Variants in GRIN2B observed in about 807,000 individuals in gnomAD.
GRIN2B encodes the protein glutamate receptor ionotropic, NMDA 2B.
GRIN2B carries 5 observed loss-of-function variants against 114.5 expected under a neutral mutation model. The ratio of observed to expected loss-of-function variants is 0.04; its 90% CI spans 0.02 to 0.09. The LOEUF (loss-of-function observed/expected upper bound fraction) is 0.09. Among genes scored for constraint, GRIN2B ranks in the 10% least tolerant of loss-of-function variants. The pLI is 1.00. For synonymous variants in GRIN2B, 787 were observed against 745.1 expected, an observed-to-expected ratio of 1.06 and a Z score of -0.92; for missense variants, 1,108 against 1,943.5, an observed-to-expected ratio of 0.57 and a Z score of 8.08.
intron 10 of GRIN2B, among the ~76,000 whole-genome samples, chr12:13,582,858 T>C: frequency 6.6e-6 from 1 of 152,180 alleles, no homozygotes; most frequent in East Asian, 1.9e-4. Context: ...TTTAGTTAAT[T>C]ACCAGTTTTC....
chr12:13,627,606 G>A (rs1459351906), intron 5 of GRIN2B, among the ~76,000 whole-genome samples: 21 of 152,188 alleles, frequency 1.4e-4, no homozygotes, highest in Admixed American at 1.4e-3. Context: ...TTCCAAACAA[G>A]TGTCTCTCCA....
intron 2 of GRIN2B, among the ~76,000 whole-genome samples, chr12:13,950,880 A>G (rs1867467115): frequency 6.6e-6 from 1 of 152,230 alleles, no homozygotes; most frequent in South Asian, 2.1e-4. Flanking sequence ...TCAGAAATAA[A>G]TTCAACATGG....
At chr12:13,840,880 A>G (rs1459650503) in intron 3 of GRIN2B, among the ~76,000 whole-genome samples, 2 of 152,212 alleles carry the variant, frequency 1.3e-5, no homozygotes, top group African/African-American at 4.8e-5. Context: ...TTCTAAAAAT[A>G]TAAGAACTCC....
chr12:13,904,286 G>A (rs1866503626), intron 2 of GRIN2B, among the ~76,000 whole-genome samples: 1 of 150,892 alleles, frequency 6.6e-6, no homozygotes, highest in South Asian at 2.1e-4. Flanking sequence ...TCTGCTAATT[G>A]TAAATTCTAC....
At position 13,865,705 on chromosome 12, in the gene GRIN2B, C is replaced by T. The variant is rs181631170; in HGVS notation, c.411+93G>A. 34 of 1,034,250 alleles carry T rather than the reference C, an allele frequency of 3.3e-5. No homozygotes were observed. The African/African-American group carries it at 4.9e-4, about 15-fold the overall frequency. The allele number at this position is 1,034,250 out of a possible 1,614,324, so 64.1% of individuals were successfully genotyped here. ...CTGTCAATGCAATCTGGTTACCTTCCATCATTAACAATCAAGTTTTACAGG... is the reference window on the plus strand; with the variant it reads ...CTGTCAATGCAATCTGGTTACCTTCTATCATTAACAATCAAGTTTTACAGG... On this transcript the variant is annotated intron_variant, in intron 3 of 13. Coordinates refer to ENST00000609686, the MANE Select transcript of GRIN2B (RefSeq NM_000834.5).
At chr12:13,765,661 G>C (rs1406593685) in intron 3 of GRIN2B, among the ~76,000 whole-genome samples, 1 of 152,194 alleles carries the variant, frequency 6.6e-6, no homozygotes. Flanking sequence ...TATTCATTGA[G>C]TGCTTATAGC....
chr12:13,711,532 G>C (rs1462326289), intron 4 of GRIN2B, among the ~76,000 whole-genome samples: 1 of 151,860 alleles, frequency 6.6e-6, no homozygotes, highest in Non-Finnish European at 1.5e-5. Context: ...AAATTTATAA[G>C]AAAAAAACAA....
intron 2 of GRIN2B, among the ~76,000 whole-genome samples, chr12:13,974,238 T>C (rs1358724827): frequency 6.6e-6 from 1 of 152,210 alleles, no homozygotes; most frequent in East Asian, 1.9e-4. Flanking sequence ...TCCCTTTCTT[T>C]GTAATGGCCA....
chr12:13,732,938 CTGCAA>C (rs976331559), intron 4 of GRIN2B, among the ~76,000 whole-genome samples: 1 of 152,154 alleles, frequency 6.6e-6, no homozygotes, highest in African/African-American at 2.4e-5. Context: ...AAGCATTAAA[CTGCAA>C]TGGTGAGTGA....
chr12:13,945,234 T>C (rs1194497358), intron 2 of GRIN2B, among the ~76,000 whole-genome samples: 2 of 152,210 alleles, frequency 1.3e-5, no homozygotes, highest in Non-Finnish European at 1.5e-5. Flanking sequence ...CCTGCTACTC[T>C]TCTTGTTCCA....
intron 4 of GRIN2B, among the ~76,000 whole-genome samples, chr12:13,734,820 C>A (rs1863152427): frequency 6.6e-6 from 1 of 152,130 alleles, no homozygotes; most frequent in African/African-American, 2.4e-5. Flanking sequence ...ACACTTGAGT[C>A]AGATCTTAAA....
At chr12:13,666,199 TCTC>T (rs1327144051) in intron 5 of GRIN2B, among the ~76,000 whole-genome samples, 2 of 152,156 alleles carry the variant, frequency 1.3e-5, no homozygotes, top group African/African-American at 4.8e-5. Flanking sequence ...TGTGCACTCT[TCTC>T]CTTCCAGGGT....
intron 2 of GRIN2B, among the ~76,000 whole-genome samples, chr12:13,915,081 A>T (rs1866690810): frequency 6.6e-6 from 1 of 152,238 alleles, no homozygotes; most frequent in Non-Finnish European, 1.5e-5. Context: ...TAAAGAAAAG[A>T]TAAATATTAG....
At chr12:13,626,269 T>C (rs972961254) in intron 5 of GRIN2B, among the ~76,000 whole-genome samples, 2 of 152,178 alleles carry the variant, frequency 1.3e-5, no homozygotes, top group African/African-American at 4.8e-5. Flanking sequence ...CCTGGACATG[T>C]GTGCACCATG....
chr12:13,938,641 G>A (rs1315880931), intron 2 of GRIN2B, among the ~76,000 whole-genome samples: 1 of 152,196 alleles, frequency 6.6e-6, no homozygotes, highest in African/African-American at 2.4e-5. Context: ...AGATTACATA[G>A]TGTGTAATTC....
chr12:13,699,032 C>A (rs779923703), intron 4 of GRIN2B, among the ~76,000 whole-genome samples: 1 of 152,104 alleles, frequency 6.6e-6, no homozygotes. Flanking sequence ...GGTGACCATC[C>A]ATTGAAACAT....
At chr12:13,763,487 G>A (rs1049080854) in intron 3 of GRIN2B, among the ~76,000 whole-genome samples, 65 of 152,194 alleles carry the variant, frequency 4.3e-4, no homozygotes, top group African/African-American at 1.4e-3. Context: ...GACGGTCCAT[G>A]AGAAGCTGCC....
intron 3 of GRIN2B, among the ~76,000 whole-genome samples, chr12:13,819,872 T>C (rs1300932086): frequency 6.6e-6 from 1 of 152,096 alleles, no homozygotes; most frequent in African/African-American, 2.4e-5. Context: ...ATCCAGAAGG[T>C]CCAGGGTCCA....
chr12:13,674,477 A>T (rs748665546), intron 5 of GRIN2B, among the ~76,000 whole-genome samples: 33 of 152,108 alleles, frequency 2.2e-4, no homozygotes, highest in Non-Finnish European at 4.4e-4. Flanking sequence ...TAGATCCTGG[A>T]TTCTACTGCC....
Sources: allele counts gnomAD v4.1 joint callset (sites outside exome capture counted in the v4.1 genomes callset), GRCh38; gene constraint gnomAD v4.1.1; transcripts MANE v1.5; gene names NCBI Gene and HGNC (gene_info 2026-07-23, HGNC 2026-07-21).